Variants in TAOK3 observed in about 807,000 individuals in gnomAD.
The protein encoded by TAOK3 is serine/threonine-protein kinase TAO3.
In TAOK3, 40 loss-of-function variants were observed where a neutral mutation model predicts 120.4. That is an observed-to-expected ratio of 0.33 (90% CI 0.26 to 0.43). The LOEUF is 0.43. TAOK3 is among the 20% of genes least tolerant of loss of function. The probability of loss-of-function intolerance (pLI) is 1.00; values close to 1 mark genes in which losing one functional copy is unlikely to be tolerated. For synonymous variants in TAOK3, 355 were observed against 387.5 expected (o/e 0.92, Z 0.99); for missense variants, 821 against 1,112.1 (o/e 0.74, Z 3.72).
intron 1 of TAOK3, chr12:118,359,073 C>G (rs1308726441): frequency 6.6e-6 from 1 of 152,132 alleles, no homozygotes; most frequent in Non-Finnish European, 1.5e-5. Flanking sequence ...AAAAACTGAA[C>G]TTAAGTTATA....
rs2045911405 is a variant in TAOK3, at chr12:118,371,996, GCCCCCTTCCGGGA to G, written c.-194+639_-194+651del. On this transcript the variant is annotated intron_variant, in intron 1 of 20. Transcript: ENST00000392533. This position sits in a 1 kb window ranked among gnomAD's most constrained non-coding sequence, Gnocchi z 5.5. ...CTCTCAGCCCCGCTGTCTCAGCCCA[GCCCCCTTCCGGGA>G]CCCCTCCTCTTCTCCCACTGTCTTG... Among the ~76,000 whole-genome samples the G allele has an allele frequency of 6.7e-6, 1 of 148,854 alleles. No individual in the cohort carries two copies. The highest frequency in any genetic ancestry group is 1.5e-5 in the Non-Finnish European group (1 of 67,250).
At chr12:118,211,285 C>T (rs1236589157) in intron 11 of TAOK3, among the ~76,000 whole-genome samples, 1 of 152,160 alleles carries the variant, frequency 6.6e-6, no homozygotes, top group Non-Finnish European at 1.5e-5. Flanking sequence ...ATCTTCTCCT[C>T]CATGTGTTTT....
At chr12:118,299,369 A>T (rs1003024146) in intron 1 of TAOK3, among the ~76,000 whole-genome samples, 3 of 152,158 alleles carry the variant, frequency 2.0e-5, no homozygotes, top group Admixed American at 6.5e-5. Context: ...ATAGTACTTT[A>T]AAAAAATCAA....
At chr12:118,370,876 T>A (rs488169) in intron 1 of TAOK3, among the ~76,000 whole-genome samples, 23,600 of 152,068 alleles carry the variant, frequency 0.16, 2,032 homozygotes, top group Non-Finnish European at 0.2. Flanking sequence ...CTGGTTTAAA[T>A]AGGTTTATCT....
intron 3 of TAOK3, chr12:118,246,792 G>A (rs1325877697): frequency 4.4e-5 from 62 of 1,416,880 alleles, no homozygotes; most frequent in Non-Finnish European, 5.3e-5. Context: ...GGGCAACTTC[G>A]CCAAGGCCAC....
At chr12:118,221,471 C>T (rs1363789837) in intron 9 of TAOK3, among the ~76,000 whole-genome samples, 1 of 152,082 alleles carries the variant, frequency 6.6e-6, no homozygotes, top group Non-Finnish European at 1.5e-5. Flanking sequence ...AGGTGAACCA[C>T]CTGCCTCGGC....
chr12:118,255,008 C>T (rs1031386354), intron 3 of TAOK3, among the ~76,000 whole-genome samples: 4 of 152,074 alleles, frequency 2.6e-5, no homozygotes, highest in Admixed American at 6.5e-5. Context: ...GTGATCTGCC[C>T]GCCTCAGCCT....
intron 1 of TAOK3, among the ~76,000 whole-genome samples, chr12:118,333,874 G>A (rs924170089): frequency 2.6e-5 from 4 of 150,946 alleles, no homozygotes; most frequent in South Asian, 4.2e-4. Context: ...GGAGGCTCAC[G>A]CCTGTAATCC....
At chr12:118,358,152 A>G (rs947989689) in intron 1 of TAOK3, among the ~76,000 whole-genome samples, 1 of 152,214 alleles carries the variant, frequency 6.6e-6, no homozygotes, top group African/African-American at 2.4e-5. Flanking sequence ...ACTTTTTAAC[A>G]TACAAATGAT....
intron 1 of TAOK3, among the ~76,000 whole-genome samples, chr12:118,331,803 G>A (rs1566129845): frequency 6.6e-6 from 1 of 151,386 alleles, no homozygotes; most frequent in Non-Finnish European, 1.5e-5. Flanking sequence ...GGTAAAGTAT[G>A]ATTATCACAT....
intron 8 of TAOK3, 23 bp downstream of exon 8, chr12:118,235,535 T>A (rs367773712): frequency 1.5e-4 from 239 of 1,575,320 alleles, no homozygotes; most frequent in Non-Finnish European, 3.7e-5. Flanking sequence ...TAAAACTATG[T>A]CATATAGCCT....
At chr12:118,311,924 AG>A (rs1339964155) in intron 1 of TAOK3, among the ~76,000 whole-genome samples, 1 of 152,184 alleles carries the variant, frequency 6.6e-6, no homozygotes, top group Non-Finnish European at 1.5e-5. Context: ...AGATGTGGGG[AG>A]AAAAATAAAA....
At chr12:118,190,142 A>G (rs2037353198) in intron 13 of TAOK3, 1 of 581,774 alleles carries the variant, frequency 1.7e-6, no homozygotes, top group Non-Finnish European at 2.9e-6. Context: ...GCTGATCGCT[A>G]GTGGGATGCC....
chr12:118,233,240 C>T (rs1360099423), intron 9 of TAOK3, among the ~76,000 whole-genome samples: 5 of 103,354 alleles, frequency 4.8e-5, no homozygotes, highest in Admixed American at 1.5e-4. Flanking sequence ...CATCACAATC[C>T]GGGGCCTGTT....
chr12:118,279,306 T>G (rs939341472), intron 1 of TAOK3, among the ~76,000 whole-genome samples: 1 of 152,210 alleles, frequency 6.6e-6, no homozygotes, highest in Non-Finnish European at 1.5e-5. Flanking sequence ...TCCTTATAGA[T>G]TCTGGATATT....
chr12:118,204,541 C>T (rs1425648367), intron 11 of TAOK3, among the ~76,000 whole-genome samples: 1 of 152,110 alleles, frequency 6.6e-6, no homozygotes, highest in African/African-American at 2.4e-5. Context: ...TAGGTAGAGT[C>T]CTTTTTGAAT....
At chr12:118,238,191 AGTC>A in intron 6 of TAOK3, 22 bp from the exon 7 acceptor site, 1 of 1,406,714 alleles carries the variant, frequency 7.1e-7, no homozygotes, top group Non-Finnish European at 1.0e-6. Context: ...AAAAAAAAAA[AGTC>A]AGTAGATGAT....
At chr12:118,348,919 A>G (rs1812096994) in intron 1 of TAOK3, among the ~76,000 whole-genome samples, 2 of 133,592 alleles carry the variant, frequency 1.5e-5, no homozygotes, top group African/African-American at 5.9e-5. Flanking sequence ...CCCGGGTCTC[A>G]CTCTTGTTGC....
chr12:118,291,146 G>A (rs1442650595), intron 1 of TAOK3, among the ~76,000 whole-genome samples: 6 of 151,130 alleles, frequency 4.0e-5, no homozygotes, highest in African/African-American at 9.7e-5. Context: ...GTGAGCCACC[G>A]CGCCCGGCCG....
Sources: gnomAD v4.1 joint callset for allele counts (sites outside exome capture counted in the v4.1 genomes callset) on GRCh38, gnomAD v4.1.1 for gene constraint, Gnocchi (gnomAD v3.1) non-coding constraint, MANE v1.5 for transcripts, NCBI Gene and HGNC (gene_info 2026-07-23, HGNC 2026-07-21) for gene names.